The following RSPO4 variants were observed in gnomAD, a reference collection of about 807,000 sequenced individuals.
RSPO4 encodes R-spondin-4.
A neutral mutation model predicts 24.8 loss-of-function variants in RSPO4; 23 were observed. That is an observed-to-expected ratio of 0.93 (90% confidence interval 0.67 to 1.31). The LOEUF (loss-of-function observed/expected upper bound fraction) is 1.31, where lower values mean the gene tolerates loss of function less well. Among genes scored for constraint, RSPO4 ranks in the 40% most tolerant of loss-of-function variants. The probability of loss-of-function intolerance (pLI) is 0.00; values close to 1 mark genes in which losing one functional copy is unlikely to be tolerated. For synonymous variants in RSPO4, 141 were observed against 127.4 expected, an observed-to-expected ratio of 1.11 and a Z score of -0.72; for missense variants, 333 against 316.5, an observed-to-expected ratio of 1.05 and a Z score of -0.39.
intron 1 of RSPO4, among the ~76,000 whole-genome samples, chr20:988,477 A>G (rs1984993116): frequency 6.6e-6 from 1 of 152,166 alleles, no homozygotes; most frequent in Non-Finnish European, 1.5e-5. Context: ...GTTATCATGA[A>G]GATTAAAGGG....
intron 1 of RSPO4, among the ~76,000 whole-genome samples, chr20:980,860 G>A (rs976899996): frequency 1.3e-5 from 2 of 152,134 alleles, no homozygotes; most frequent in African/African-American, 4.8e-5. Context: ...AGGGTTGTAC[G>A]TGCATGAACT....
rs998006302 is a variant in RSPO4 at position 981,295 on chromosome 20, C to A, written c.80-13157G>T. On this transcript the variant is annotated intron_variant, in intron 1 of 4. Coordinates refer to ENST00000217260, the MANE Select transcript of RSPO4 (RefSeq NM_001029871.4). This position sits in a 1 kb window ranked among gnomAD's most constrained non-coding sequence, Gnocchi z 4.6. ...ATCCCAGCACTTAGGGAGGCTGAGG[C>A]AGGTAGATCATAGGAGGCCCGGAGT... Among the ~76,000 whole-genome samples, 1 of 152,286 alleles carries A rather than the reference C, an allele frequency of 6.6e-6. No homozygotes were observed. The highest frequency in any genetic ancestry group is 2.1e-4 in the South Asian group (1 of 4,822).
At chr20:990,224 C>T (rs1985052836) in intron 1 of RSPO4, among the ~76,000 whole-genome samples, 1 of 152,174 alleles carries the variant, frequency 6.6e-6, no homozygotes. Flanking sequence ...TCATACGTCT[C>T]TCAGGTCCCG....
chr20:967,206 G>A lies in RSPO4; in HGVS notation c.377C>T (p.Thr126Ile), dbSNP rs201112120. 85 of 1,614,106 alleles carry A rather than the reference G, an allele frequency of 5.3e-5. No homozygotes were observed. In the East Asian group the frequency reaches 1.8e-3, roughly 34 times the overall value. ...CTCCCGTGTGTTCTGGTGGGCCAAAGTGCCCGGCGGGCAGGTGGGCAGACA... is the reference window on the plus strand; with the variant it reads ...CTCCCGTGTGTTCTGGTGGGCCAAAATGCCCGGCGGGCAGGTGGGCAGACA... ...GKCLPTCPPGTLAHQNTRECQ... is the reference protein window; with the variant it reads ...GKCLPTCPPGILAHQNTRECQ... The change falls in exon 3 of 5, where the codon ACT (threonine) becomes ATT (isoleucine). Residue 126 changes from threonine (T) to isoleucine (I), a missense_variant. Physicochemically the swap from Thr to Ile is moderately conservative, Grantham distance 89. Transcript: ENST00000217260.
chr20:992,662 A>G (rs1382170627), intron 1 of RSPO4, among the ~76,000 whole-genome samples: 1 of 152,126 alleles, frequency 6.6e-6, no homozygotes, highest in African/African-American at 2.4e-5. Flanking sequence ...GTATTGACAG[A>G]CAACATCGAG....
At chr20:998,101 G>C (rs1391045736) in intron 1 of RSPO4, among the ~76,000 whole-genome samples, 4 of 152,250 alleles carry the variant, frequency 2.6e-5, no homozygotes, top group African/African-American at 9.6e-5. Context: ...CATGTGGCCT[G>C]CTTAATGTCA....
chr20:974,321 T>C (rs1984498081), intron 1 of RSPO4, among the ~76,000 whole-genome samples: 1 of 152,240 alleles, frequency 6.6e-6, no homozygotes, highest in Non-Finnish European at 1.5e-5. Context: ...CCCTAACCAA[T>C]GGCTGTCTCT....
chr20:990,286 T>C (rs1391681561), intron 1 of RSPO4, among the ~76,000 whole-genome samples: 1 of 152,172 alleles, frequency 6.6e-6, no homozygotes, highest in Admixed American at 6.5e-5. Flanking sequence ...ACAGGAGTTA[T>C]ATCAGCCAAG....
At chr20:976,731 C>T (rs1294032882) in intron 1 of RSPO4, among the ~76,000 whole-genome samples, 2 of 152,138 alleles carry the variant, frequency 1.3e-5, no homozygotes, top group Admixed American at 6.6e-5. Flanking sequence ...AAGCTCGTCT[C>T]CTCAGTAGCC....
At chr20:977,385 C>G (rs779838469) in intron 1 of RSPO4, among the ~76,000 whole-genome samples, 1 of 152,166 alleles carries the variant, frequency 6.6e-6, no homozygotes, top group Non-Finnish European at 1.5e-5. Context: ...TGACCTTGAC[C>G]CAGTGCCTTA....
chr20:963,586 T>TA (rs35816770), intron 4 of RSPO4, among the ~76,000 whole-genome samples: 27 of 151,664 alleles, frequency 1.8e-4, no homozygotes, highest in African/African-American at 4.1e-4. Context: ...ACTATACTGA[T>TA]AAAAAAAAAT....
Position 959,464 on chromosome 20 carries a change from G to T in RSPO4, c.*893C>A, listed in dbSNP as rs552629982. On this transcript the variant is annotated 3_prime_UTR_variant, in exon 5 of 5. Transcript: ENST00000217260. ...GGAACAGAGCTGCTGGATAATCTCAGCTTTCCTTTCCGTTTCAGTGGCCTC... is the reference window on the plus strand; with the variant it reads ...GGAACAGAGCTGCTGGATAATCTCATCTTTCCTTTCCGTTTCAGTGGCCTC... 59 of 152,588 alleles carry T rather than the reference G, an allele frequency of 3.9e-4. 1 individual carries two copies. The highest frequency in any genetic ancestry group is 3.4e-3 in the Middle Eastern group (1 of 298). The allele number at this position is 152,588 out of a possible 1,614,324, so 9.5% of individuals were successfully genotyped here.
At position 978,139 on chromosome 20, in the gene RSPO4, G is replaced by T. The variant is rs566796007; in HGVS notation, c.80-10001C>A. The stretch of plus-strand genomic sequence containing the variant: ...GGACCCTTCTCAGCACTCAGGAGGT[G>T]GGGGGACCAGCAGGGCAGAACATTC... On this transcript the variant is annotated intron_variant, in intron 1 of 4. Coordinates refer to ENST00000217260, the MANE Select transcript of RSPO4 (RefSeq NM_001029871.4). Among the ~76,000 whole-genome samples the T allele has an allele frequency of 9.2e-5, 14 of 152,298 alleles. No individual in the cohort carries two copies. The South Asian group carries it at 2.7e-3, about 29-fold the overall frequency.
intron 1 of RSPO4, among the ~76,000 whole-genome samples, chr20:989,069 C>T (rs193015416): frequency 5.9e-5 from 9 of 152,286 alleles, no homozygotes; most frequent in South Asian, 4.1e-4. Context: ...GCATACCCTC[C>T]GGCCCCCATC....
intron 1 of RSPO4, among the ~76,000 whole-genome samples, chr20:993,565 G>C (rs1299667542): frequency 6.6e-6 from 1 of 152,164 alleles, no homozygotes; most frequent in Non-Finnish European, 1.5e-5. Context: ...CTCATCTGTA[G>C]AAGAGGGAGA....
chr20:960,526 C>G (rs918153061), intron 4 of RSPO4, 60 bp from the exon 5 acceptor site: 5 of 1,253,800 alleles, frequency 4.0e-6, no homozygotes, highest in Non-Finnish European at 5.6e-6. Context: ...GTCCTGGGAG[C>G]CTCCTCAGTC....
rs567697846 is a variant in RSPO4 at position 962,702 on chromosome 20, T to A, written c.595+1233A>T. On this transcript the variant is annotated intron_variant, in intron 4 of 4. Transcript: ENST00000217260. Reference sequence around the variant, plus strand: ...AGCACAAGTCCTTCTGAAAGAGGAGTGTCCCTGAGTTCAAATCCTGGCTCC... The same window carrying A: ...AGCACAAGTCCTTCTGAAAGAGGAGAGTCCCTGAGTTCAAATCCTGGCTCC... Among the ~76,000 whole-genome samples the A allele has an allele frequency of 2.0e-4, 30 of 152,188 alleles. 1 individual carries two copies. In the South Asian group the frequency reaches 5.8e-3, roughly 29 times the overall value.
chr20:982,990 C>T lies in RSPO4; in HGVS notation c.80-14852G>A, dbSNP rs183275453. The stretch of plus-strand genomic sequence containing the variant: ...GGGGGCAACGCCCACCGCTACAAAC[C>T]CAGGAGGCCTCCTCTGGGGAGGATG... On this transcript the variant is annotated intron_variant, in intron 1 of 4. Coordinates refer to ENST00000217260, the MANE Select transcript of RSPO4 (RefSeq NM_001029871.4). Among the ~76,000 whole-genome samples the T allele has an allele frequency of 2.0e-5, 3 of 152,324 alleles. No homozygotes were observed. In the South Asian group the frequency reaches 6.2e-4, roughly 32 times the overall value.
chr20:978,038 G>A (rs1245659989), intron 1 of RSPO4, among the ~76,000 whole-genome samples: 1 of 152,136 alleles, frequency 6.6e-6, no homozygotes, highest in Non-Finnish European at 1.5e-5. Flanking sequence ...ACCATCTCTA[G>A]CAAGGGGGTG....
Sources: gnomAD v4.1 joint callset for allele counts (sites outside exome capture counted in the v4.1 genomes callset) on GRCh38, gnomAD v4.1.1 for gene constraint, Gnocchi (gnomAD v3.1) non-coding constraint, MANE v1.5 for transcripts, NCBI Gene and HGNC (gene_info 2026-07-23, HGNC 2026-07-21) for gene names.